Variants in KIF6 observed in about 807,000 individuals in gnomAD.
KIF6 encodes kinesin-like protein KIF6.
KIF6 carries 106 observed loss-of-function variants against 112.7 expected under a neutral mutation model. The ratio of observed to expected loss-of-function variants is 0.94; its 90% CI spans 0.80 to 1.11. The LOEUF is 1.11. Among genes scored for constraint, KIF6 ranks in the 50% least tolerant of loss-of-function variants. The pLI, the probability that KIF6 is intolerant of heterozygous loss-of-function variation, is 0.00. For missense variants in KIF6, 929 were observed against 964.0 expected (o/e 0.96, Z 0.48); for synonymous variants, 339 against 339.9 (o/e 1.00, Z 0.03).
intron 7 of KIF6, among the ~76,000 whole-genome samples, chr6:39,589,140 A>G (rs963592823): frequency 2.0e-5 from 3 of 152,054 alleles, no homozygotes; most frequent in Admixed American, 6.6e-5. Flanking sequence ...CCCACATCAG[A>G]GCCTCTGAAA....
intron 4 of KIF6, among the ~76,000 whole-genome samples, chr6:39,638,933 C>A (rs1784765325): frequency 6.6e-6 from 1 of 152,018 alleles, no homozygotes; most frequent in African/African-American, 2.4e-5. Flanking sequence ...GCACAAAGCA[C>A]AGAGTTAGAC....
At chr6:39,579,130 T>C (rs1781144968) in intron 9 of KIF6, among the ~76,000 whole-genome samples, 1 of 152,210 alleles carries the variant, frequency 6.6e-6, no homozygotes, top group Non-Finnish European at 1.5e-5. Flanking sequence ...GGAGAGTATG[T>C]GCATCTTGCC....
chr6:39,605,057 C>T (rs1020022795), intron 6 of KIF6, among the ~76,000 whole-genome samples: 2 of 152,112 alleles, frequency 1.3e-5, no homozygotes, highest in Admixed American at 1.3e-4. Context: ...TTGCCTGTAT[C>T]TTTAATTGGA....
At chr6:39,471,935 A>G (rs1010834302) in intron 13 of KIF6, among the ~76,000 whole-genome samples, 1 of 152,204 alleles carries the variant, frequency 6.6e-6, no homozygotes, top group Non-Finnish European at 1.5e-5. Flanking sequence ...CTGATTCACC[A>G]AAGTATTCCA....
chr6:39,586,613 T>G (rs982963248), intron 7 of KIF6, among the ~76,000 whole-genome samples: 2 of 152,210 alleles, frequency 1.3e-5, no homozygotes, highest in African/African-American at 2.4e-5. Flanking sequence ...AGTGTAACTG[T>G]AGCATTGTGA....
chr6:39,362,381 C>G, intron 17 of KIF6, 53 bp downstream of exon 17: 1 of 1,401,238 alleles, frequency 7.1e-7, no homozygotes, highest in Non-Finnish European at 1.0e-6. Flanking sequence ...CAGGACGACA[C>G]TGAGACCCTG....
chr6:39,529,015 T>C (rs1216126535), intron 13 of KIF6, among the ~76,000 whole-genome samples: 1 of 152,114 alleles, frequency 6.6e-6, no homozygotes, highest in Admixed American at 6.5e-5. Flanking sequence ...GAACCACACA[T>C]GTAGACTCAA....
At chr6:39,664,451 G>C (rs534817218) in intron 3 of KIF6, among the ~76,000 whole-genome samples, 6 of 152,288 alleles carry the variant, frequency 3.9e-5, no homozygotes, top group African/African-American at 1.4e-4. Context: ...GTCCTCTCAA[G>C]ATATTTCTAA....
chr6:39,628,354 C>T lies in KIF6; in HGVS notation c.509+6495G>A, dbSNP rs551978146. 2.0e-5 allele frequency among the ~76,000 whole-genome samples: 3 copies of T among 151,996 alleles called. No homozygotes were observed. The South Asian group carries it at 6.2e-4, about 32-fold the overall frequency. ...TGTACATTTAATATTTAATTATATGCAATTTCCCCAATTTTGCTTATGTTC... is the reference window on the plus strand; with the variant it reads ...TGTACATTTAATATTTAATTATATGTAATTTCCCCAATTTTGCTTATGTTC... On this transcript the variant is annotated intron_variant, in intron 5 of 22. Transcript: ENST00000287152.
intron 13 of KIF6, among the ~76,000 whole-genome samples, chr6:39,513,521 A>T (rs575034625): frequency 8.5e-5 from 13 of 152,106 alleles, no homozygotes; most frequent in African/African-American, 3.1e-4. Flanking sequence ...ATTAGTCAAA[A>T]CCTCTGGATC....
chr6:39,597,526 C>T (rs907207304), intron 6 of KIF6, among the ~76,000 whole-genome samples: 1 of 152,018 alleles, frequency 6.6e-6, no homozygotes, highest in South Asian at 2.1e-4. Context: ...AGAAAGGATG[C>T]ACTGATTTAG....
At chr6:39,415,748 T>C (rs1769871678) in intron 15 of KIF6, among the ~76,000 whole-genome samples, 1 of 152,070 alleles carries the variant, frequency 6.6e-6, no homozygotes, top group Non-Finnish European at 1.5e-5. Context: ...GCAAAAACAG[T>C]CTGGTTTATT....
At chr6:39,647,272 G>A (rs1185191824) in intron 3 of KIF6, among the ~76,000 whole-genome samples, 1 of 152,130 alleles carries the variant, frequency 6.6e-6, no homozygotes, top group Non-Finnish European at 1.5e-5. Context: ...CACTTCTGGG[G>A]AATTTAAGAG....
At chr6:39,721,897 T>C in intron 1 of KIF6, among the ~76,000 whole-genome samples, 1 of 152,056 alleles carries the variant, frequency 6.6e-6, no homozygotes, top group East Asian at 1.9e-4. Flanking sequence ...AAGACCCATT[T>C]AGATGCTTGG....
At chr6:39,571,001 A>G (rs1043315615) in intron 10 of KIF6, among the ~76,000 whole-genome samples, 5 of 152,144 alleles carry the variant, frequency 3.3e-5, no homozygotes, top group Non-Finnish European at 7.4e-5. Flanking sequence ...TATTATATCA[A>G]CTCACTACCA....
In KIF6 at chr6:39,609,752, G is replaced by GT. The variant is rs369790205; in HGVS notation, c.639+3436dup. ...AGGGTGCAGAATATAGACCTGCTTG[G>GT]TTTTTTTTGCCTCTGGGAGTGGGTT... On this transcript the variant is annotated intron_variant, in intron 6 of 22. Coordinates refer to ENST00000287152, the MANE Select transcript of KIF6 (RefSeq NM_145027.6). 1.6e-3 allele frequency among the ~76,000 whole-genome samples: 250 copies of GT among 151,966 alleles called. 2 individuals are homozygous for GT. The highest frequency in any genetic ancestry group is 5.2e-3 in the African/African-American group (214 of 41,460).
At chr6:39,460,704 C>A (rs722250) in intron 13 of KIF6, among the ~76,000 whole-genome samples, 2 of 151,840 alleles carry the variant, frequency 1.3e-5, no homozygotes, top group African/African-American at 2.4e-5. Context: ...ATGTATCAAC[C>A]TAGAATTCTA....
In KIF6 at chr6:39,331,392, T is replaced by C. The variant is rs1762729810; in HGVS notation, c.*5140A>G. 6.6e-6 allele frequency: 1 copy of C among 151,704 alleles called. No individual in the cohort carries two copies. The highest frequency in any genetic ancestry group is 1.5e-5 in the Non-Finnish European group (1 of 67,974). 9.4% of individuals were successfully genotyped at this position (151,704 alleles called of 1,614,324 possible). A position where few individuals can be genotyped will look rare whatever the true frequency, so the allele number is the denominator to read the frequency against. On this transcript the variant is annotated 3_prime_UTR_variant, in exon 23 of 23. Transcript: ENST00000287152. The stretch of plus-strand genomic sequence containing the variant: ...ACTTGTTTATTGTCCCTCTCTTTTT[T>C]TTTTTTTCAGAGAAGGAGTCTCGCT...
chr6:39,498,601 G>T (rs941720650), intron 13 of KIF6, among the ~76,000 whole-genome samples: 1 of 152,122 alleles, frequency 6.6e-6, no homozygotes. Flanking sequence ...TGTGAAAGCA[G>T]CTATAGACAA....
Sources: allele counts gnomAD v4.1 joint callset (sites outside exome capture counted in the v4.1 genomes callset), GRCh38; gene constraint gnomAD v4.1.1; transcripts MANE v1.5; gene names NCBI Gene and HGNC (gene_info 2026-07-23, HGNC 2026-07-21).